The following RBM45 variants were observed in gnomAD, a reference collection of about 807,000 sequenced individuals.
RBM45 encodes RNA binding motif protein 45.
Under a neutral mutation model 58.5 loss-of-function variants are expected in RBM45, and 39 were observed. The observed-to-expected ratio is 0.67, with a 90% CI of 0.52 to 0.87. The LOEUF is 0.87. Among genes scored for constraint, RBM45 ranks in the 40% least tolerant of loss-of-function variants. The probability of loss-of-function intolerance (pLI) is 0.00; values close to 1 mark genes in which losing one functional copy is unlikely to be tolerated. For missense variants in RBM45, 481 were observed against 581.6 expected, an observed-to-expected ratio of 0.83 and a Z score of 1.78; for synonymous variants, 193 against 203.0, an observed-to-expected ratio of 0.95 and a Z score of 0.42.
At chr2:178,126,950 T>G (rs1234943673) in intron 9 of RBM45, among the ~76,000 whole-genome samples, 1 of 152,138 alleles carries the variant, frequency 6.6e-6, no homozygotes, top group Non-Finnish European at 1.5e-5. Context: ...TGACTTTTTT[T>G]TTCCCCCGAG....
At chr2:178,125,099 A>G (rs1411071082) in intron 8 of RBM45, among the ~76,000 whole-genome samples, 3 of 152,296 alleles carry the variant, frequency 2.0e-5, no homozygotes, top group South Asian at 2.1e-4. Context: ...TCAGGGACAT[A>G]ATGTGATAGT....
At chr2:178,121,403 TACAC>T (rs55710214) in intron 5 of RBM45, 44 bp downstream of exon 5, 138,227 of 590,412 alleles carry the variant, frequency 0.23, 23,866 homozygotes, top group East Asian at 0.39. Context: ...TATGTATATA[TACAC>T]ACACACACAC....
rs3067447 is a variant in RBM45, at chr2:178,127,994, C to CTTTT, written c.*9-1378_*9-1375dup. On this transcript the variant is annotated intron_variant, in intron 9 of 9. Transcript: ENST00000286070. ...CTGTGACTGGGCTGGTCTCTACGCC[C>CTTTT]TTTTTTTTTTTTTTTTTTTTTTTTT... Among the ~76,000 whole-genome samples the CTTTT allele has an allele frequency of 4.8e-4, 35 of 72,526 alleles. 5 individuals carry two copies. The highest frequency in any genetic ancestry group is 1.3e-3 in the East Asian group (3 of 2,242). 47.6% of individuals were successfully genotyped at this position (72,526 alleles called of 152,430 possible). A position where few individuals can be genotyped will look rare whatever the true frequency, so the allele number is the denominator to read the frequency against.
chr2:178,114,261 G>C (rs1043359949), intron 1 of RBM45, among the ~76,000 whole-genome samples: 1 of 152,170 alleles, frequency 6.6e-6, no homozygotes, highest in Non-Finnish European at 1.5e-5. Context: ...CCCTGTACTA[G>C]ACTAATGAAT....
chr2:178,118,306 T>A, intron 3 of RBM45, 125 bp downstream of exon 3: 2 of 931,818 alleles, frequency 2.1e-6, no homozygotes, highest in Non-Finnish European at 3.0e-6. Context: ...AGTGGGTATT[T>A]AAATATTTAC....
intron 1 of RBM45, among the ~76,000 whole-genome samples, chr2:178,114,771 A>G (rs960741369): frequency 1.3e-5 from 2 of 151,394 alleles, no homozygotes; most frequent in Non-Finnish European, 2.9e-5. Context: ...TATTTTTTTT[A>G]TTTTTCTTAG....
chr2:178,138,691 C>A (rs982103841), exon 4 of RBM45: 1 of 151,910 alleles, frequency 6.6e-6, no homozygotes, highest in African/African-American at 2.4e-5. Flanking sequence ...AAAGGCCAGT[C>A]GGTGAGTATT....
At chr2:178,115,545 A>G (rs1440847014) in intron 1 of RBM45, among the ~76,000 whole-genome samples, 2 of 152,200 alleles carry the variant, frequency 1.3e-5, no homozygotes, top group Non-Finnish European at 2.9e-5. Context: ...AGGAATAACT[A>G]GAAGTAGACT....
chr2:178,126,044 G>A lies in RBM45; in HGVS notation c.1293G>A (p.Lys431=), dbSNP rs1311908518. The A allele has an allele frequency of 1.9e-6, 3 of 1,613,918 alleles. No individual in the cohort carries two copies. Among genetic ancestry groups the A allele is most frequent in the Non-Finnish European group, 1.7e-6 (2 of 1,179,926 alleles). Residue 431 remains lysine (K), a synonymous_variant, in exon 9 of 10, where the codon AAG becomes AAA. Transcript: ENST00000286070. ...LVSGKNVGYA[K]YADRISANDA... is the part of the protein sequence containing the mutation. ...CAGGAAAAAATGTGGGGTATGCCAA[G>A]TATGCCGATAGAATAAGTGCTAATG...
intron 8 of RBM45, chr2:178,125,588 A>C: frequency 2.7e-6 from 1 of 368,984 alleles, no homozygotes; most frequent in East Asian, 7.6e-5. Flanking sequence ...TCCAAGGACA[A>C]TGTCAGAACG....
At chr2:178,130,296 G>T (rs186790916), downstream of RBM45, among the ~76,000 whole-genome samples, 70 of 152,238 alleles carry the variant, frequency 4.6e-4, no homozygotes, top group Non-Finnish European at 6.6e-4. Flanking sequence ...CAAGGTGGGA[G>T]GATCACTTGA....
At chr2:178,125,487 T>C (rs2087916860) in intron 8 of RBM45, among the ~76,000 whole-genome samples, 1 of 151,968 alleles carries the variant, frequency 6.6e-6, no homozygotes. Context: ...AAGCTGGGGG[T>C]ATGCATGGTT....
At chr2:178,137,301 G>C (rs1004727863) in exon 4 of RBM45, 3 of 152,138 alleles carry the variant, frequency 2.0e-5, no homozygotes, top group African/African-American at 7.2e-5. Flanking sequence ...TGGCTCAACC[G>C]CTTGGGAAAA....
intron 9 of RBM45, among the ~76,000 whole-genome samples, chr2:178,129,087 T>A (rs1352728602): frequency 6.6e-6 from 1 of 152,230 alleles, no homozygotes; most frequent in African/African-American, 2.4e-5. Context: ...TTGAAAGTAG[T>A]TGAATTCTAT....
At position 178,124,286 on chromosome 2, in the gene RBM45, T is replaced by G; in HGVS notation, c.1228T>G (p.Phe410Val). The change falls in exon 8 of 10, where the codon TTC (phenylalanine) becomes GTC (valine). Residue 410 changes from phenylalanine to valine, a missense_variant. Phe to Val is a conservative substitution (Grantham distance 50). Transcript: ENST00000286070. ...PLPLDVLEDI[F>V]CRFGNLIEVY... Reference sequence around the variant, plus strand: ...ACCTTTAGACGTATTAGAAGATATATTCTGGTAAGAAAGTTACATTTTTTG... The same window carrying G: ...ACCTTTAGACGTATTAGAAGATATAGTCTGGTAAGAAAGTTACATTTTTTG... 2.6e-6 allele frequency: 4 copies of G among 1,523,392 alleles called. No homozygotes were observed. The highest frequency in any genetic ancestry group is 3.6e-6 in the Non-Finnish European group (4 of 1,126,464). 94.4% of individuals were successfully genotyped at this position (1,523,392 alleles called of 1,614,324 possible). A position where few individuals can be genotyped will look rare whatever the true frequency, so the allele number is the denominator to read the frequency against.
chr2:178,120,184 T>C (rs985001090), intron 3 of RBM45, 103 bp from the exon 4 acceptor site: 16 of 1,481,658 alleles, frequency 1.1e-5, no homozygotes, highest in African/African-American at 2.8e-5. Context: ...GATTTTGCTT[T>C]GTACAATTAT....
downstream of RBM45, among the ~76,000 whole-genome samples, chr2:178,134,485 T>C (rs2088029019): frequency 6.6e-6 from 1 of 152,156 alleles, no homozygotes; most frequent in African/African-American, 2.4e-5. Flanking sequence ...TCATATATTA[T>C]TAATATTTTC....
rs147124323 is a variant in RBM45, at chr2:178,120,171, A to G, written c.551-116A>G. On this transcript the variant is annotated intron_variant, in intron 3 of 9. Coordinates refer to ENST00000286070, the MANE Select transcript of RBM45 (RefSeq NM_152945.4). The stretch of plus-strand genomic sequence containing the variant: ...TAGGTCTGGAGGAGATGGCCATTGT[A>G]TAGATTTTGCTTTGTACAATTATAT... 413 of 1,343,996 alleles carry G rather than the reference A, an allele frequency of 3.1e-4. 1 individual carries two copies. Among genetic ancestry groups the G allele is most frequent in the Non-Finnish European group, 4.1e-4 (392 of 963,882 alleles). 83.3% of individuals were successfully genotyped at this position (1,343,996 alleles called of 1,614,324 possible).
Position 178,124,300 on chromosome 2 carries a change from T to G in RBM45, c.1232+10T>G. ...TAGAAGATATATTCTGGTAAGAAAG[T>G]TACATTTTTTGTTATATTTTATTTA... On this transcript the variant is annotated intron_variant, in intron 8 of 9. Coordinates refer to ENST00000286070, the MANE Select transcript of RBM45 (RefSeq NM_152945.4). 6.7e-7 allele frequency: 1 copy of G among 1,484,500 alleles called. No homozygotes were observed. The highest frequency in any genetic ancestry group is 9.1e-7 in the Non-Finnish European group (1 of 1,095,896). The allele number at this position is 1,484,500 out of a possible 1,614,324, so 92.0% of individuals were successfully genotyped here. A position where few individuals can be genotyped will look rare whatever the true frequency, so the allele number is the denominator to read the frequency against.
Sources: allele counts gnomAD v4.1 joint callset (sites outside exome capture counted in the v4.1 genomes callset), GRCh38; gene constraint gnomAD v4.1.1; transcripts MANE v1.5; gene names NCBI Gene and HGNC (gene_info 2026-07-23, HGNC 2026-07-21).